The following KIAA1671 variants were observed in gnomAD, a reference collection of about 807,000 sequenced individuals.
The protein encoded by KIAA1671 is KIAA1671.
A neutral mutation model predicts 131.2 loss-of-function variants in KIAA1671; 52 were observed. That is an observed-to-expected ratio of 0.40 (90% CI 0.32 to 0.50). The LOEUF (loss-of-function observed/expected upper bound fraction) is 0.50, where lower values mean the gene tolerates loss of function less well. Ranked by LOEUF, KIAA1671 falls within the 20% of genes least tolerant of loss-of-function variation. The pLI is 0.73. For synonymous variants in KIAA1671, 1,003 were observed against 961.6 expected (o/e 1.04, Z -0.80); for missense variants, 2,360 against 2,364.2 (o/e 1.00, Z 0.04).
chr22:24,986,819 A>C (rs1417571475), intron 1 of KIAA1671, among the ~76,000 whole-genome samples: 1 of 151,960 alleles, frequency 6.6e-6, no homozygotes, highest in East Asian at 1.9e-4. Context: ...TCATCTGTCA[A>C]GGCCCTGACC....
intron 9 of KIAA1671, among the ~76,000 whole-genome samples, chr22:25,178,385 C>T (rs1934117629): frequency 3.9e-5 from 6 of 152,220 alleles, no homozygotes; most frequent in Admixed American, 3.9e-4. Flanking sequence ...CCACAAAATC[C>T]CCCTTGGGGC....
At chr22:25,014,823 G>A (rs922328149) in intron 1 of KIAA1671, 4 of 152,192 alleles carry the variant, frequency 2.6e-5, no homozygotes, top group African/African-American at 9.7e-5. Flanking sequence ...TACTGTAAGA[G>A]CTTTGGGTAT....
chr22:24,961,879 T>C (rs1470919401), intron 1 of KIAA1671, among the ~76,000 whole-genome samples: 3 of 152,184 alleles, frequency 2.0e-5, no homozygotes, highest in African/African-American at 7.2e-5. Context: ...GCTCATGATT[T>C]GTGTGGGACA....
intron 1 of KIAA1671, 69 bp from the exon 2 acceptor site, chr22:25,025,564 G>C (rs1318141159): frequency 4.6e-5 from 7 of 152,316 alleles, no homozygotes; most frequent in African/African-American, 1.4e-4. Flanking sequence ...GAGCTTGAAA[G>C]CTTTTGTGCC....
At position 25,041,379 on chromosome 22, in the gene KIAA1671, A is replaced by T; in HGVS notation, c.4249A>T (p.Asn1417Tyr). ...CTACTCAGAGAAGGGGCCCCCTGCC[A>T]ACATCCGAGAGGGCCTGTCCATCAT... is the stretch of plus-strand genomic sequence containing the variant. ...RAYSEKGPPA[N>Y]IREGLSIMHE... Residue 1417 changes from asparagine to tyrosine, a missense_variant, in exon 5 of 13, where the codon AAC becomes TAC. By Grantham distance (143) the Asn-to-Tyr change is moderately radical. This residue lies in a region of KIAA1671 where 1,161 missense variants were observed against 1,204.7 expected (regional missense o/e 0.96). Transcript: ENST00000358431. 6.4e-7 allele frequency: 1 copy of T among 1,551,738 alleles called. No individual in the cohort carries two copies. Among genetic ancestry groups the T allele is most frequent in the Non-Finnish European group, 8.7e-7 (1 of 1,146,968 alleles).
At chr22:25,010,151 A>G (rs1299677357) in intron 1 of KIAA1671, 1 of 152,010 alleles carries the variant, frequency 6.6e-6, no homozygotes, top group African/African-American at 2.4e-5. Context: ...ACTCACAAAT[A>G]CATCTGTGAG....
intron 6 of KIAA1671, chr22:25,060,891 A>C (rs1156683479): frequency 1.3e-5 from 2 of 152,156 alleles, no homozygotes; most frequent in African/African-American, 2.4e-5. Flanking sequence ...GAAACATCCA[A>C]ATTTTCCATG....
At chr22:25,144,224 C>T (rs1932845031) in intron 6 of KIAA1671, among the ~76,000 whole-genome samples, 1 of 152,154 alleles carries the variant, frequency 6.6e-6, no homozygotes. Context: ...TTACCATGTG[C>T]TGAATGGTCT....
intron 6 of KIAA1671, among the ~76,000 whole-genome samples, chr22:25,081,369 G>C (rs1929396628): frequency 6.6e-6 from 1 of 152,156 alleles, no homozygotes; most frequent in Admixed American, 6.5e-5. Context: ...GTGACTTCGT[G>C]TCTCTGATCT....
chr22:24,979,685 G>A (rs1923127278), intron 1 of KIAA1671, among the ~76,000 whole-genome samples: 1 of 152,082 alleles, frequency 6.6e-6, no homozygotes, highest in South Asian at 2.1e-4. Flanking sequence ...GGTGGCATAA[G>A]TACATTCACA....
rs190913999 is a variant in KIAA1671, at chr22:25,069,295, A to G, written c.4530+19931A>G. On this transcript the variant is annotated intron_variant, in intron 6 of 12. Transcript: ENST00000358431. ...ATTTGTCGCATTTTACAGAAGGGGT[A>G]ACTGAGGCTCAGGAGGATGAGGTGA... Among the ~76,000 whole-genome samples, 7 of 152,340 alleles carry G rather than the reference A, an allele frequency of 4.6e-5. No individual in the cohort carries two copies. The East Asian group carries it at 1.3e-3, about 29-fold the overall frequency.
At chr22:25,133,198 G>A (rs1479520261) in intron 6 of KIAA1671, among the ~76,000 whole-genome samples, 1 of 152,138 alleles carries the variant, frequency 6.6e-6, no homozygotes, top group Non-Finnish European at 1.5e-5. Flanking sequence ...TTGGCACCCT[G>A]CTGTATTTCT....
At chr22:25,070,165 G>A (rs1010491451) in intron 6 of KIAA1671, 4 of 387,064 alleles carry the variant, frequency 1.0e-5, no homozygotes, top group African/African-American at 6.2e-5. Flanking sequence ...TCATAGGACC[G>A]AGTGGTGGCT....
intron 6 of KIAA1671, among the ~76,000 whole-genome samples, chr22:25,085,855 A>G (rs1481961091): frequency 6.6e-6 from 1 of 152,128 alleles, no homozygotes; most frequent in Non-Finnish European, 1.5e-5. Flanking sequence ...TCGTATGCAC[A>G]TCTGTGTCCC....
intron 7 of KIAA1671, among the ~76,000 whole-genome samples, chr22:25,172,403 C>T (rs1488980333): frequency 6.6e-6 from 1 of 152,222 alleles, no homozygotes; most frequent in Non-Finnish European, 1.5e-5. Flanking sequence ...TCTCTCAGTG[C>T]TGTTACCTTC....
At chr22:24,961,987 G>A (rs1319879866) in intron 1 of KIAA1671, among the ~76,000 whole-genome samples, 1 of 152,194 alleles carries the variant, frequency 6.6e-6, no homozygotes, top group Admixed American at 6.5e-5. Flanking sequence ...TCCTTATCTG[G>A]AAAATGGGAA....
chr22:25,007,172 G>T (rs1489864004), intron 1 of KIAA1671, among the ~76,000 whole-genome samples: 1 of 152,104 alleles, frequency 6.6e-6, no homozygotes, highest in African/African-American at 2.4e-5. Context: ...GGTGGGACCT[G>T]TGCTACCCTG....
rs150764825 is a variant in KIAA1671, at chr22:25,181,741, C to T, written c.5117C>T (p.Thr1706Met). The change falls in exon 10 of 13, where the codon ACG becomes ATG. Residue 1706 changes from threonine to methionine, a missense_variant. Coordinates refer to ENST00000358431, the MANE Select transcript of KIAA1671 (RefSeq NM_001145206.2). ...PRKEESDEEETASKAERTPVS... is the reference protein window; with the variant it reads ...PRKEESDEEEMASKAERTPVS... ...AAGGAGGAGTCGGATGAGGAGGAGA[C>T]GGCATCCAAAGCTGAGAGGACCCCT... 36 of 1,551,564 alleles carry T rather than the reference C, an allele frequency of 2.3e-5. No homozygotes were observed. Among genetic ancestry groups the T allele is most frequent in the Admixed American group, 9.8e-5 (5 of 50,990 alleles).
intron 1 of KIAA1671, among the ~76,000 whole-genome samples, chr22:24,991,603 C>G (rs940416296): frequency 2.7e-5 from 4 of 148,708 alleles, no homozygotes; most frequent in Non-Finnish European, 5.9e-5. Context: ...ACTACAGGCA[C>G]GTGCCACCAC....
Sources: allele counts gnomAD v4.1 joint callset (sites outside exome capture counted in the v4.1 genomes callset), GRCh38; gene constraint gnomAD v4.1.1; regional missense constraint gnomAD v4.1.1; transcripts MANE v1.5; gene names NCBI Gene and HGNC (gene_info 2026-07-23, HGNC 2026-07-21).